NAA16: variants seen among roughly 807,000 people sequenced by gnomAD.
The protein encoded by NAA16 is N-alpha-acetyltransferase 16, NatA auxiliary subunit, also known as NARG1-like protein.
A neutral mutation model predicts 110.3 loss-of-function variants in NAA16; 97 were observed. That is an observed-to-expected ratio of 0.88 (90% CI 0.75 to 1.04). The LOEUF is 1.04. Ranked by LOEUF, NAA16 falls within the 50% of genes least tolerant of loss-of-function variation. The pLI is 0.00. For synonymous variants in NAA16, 372 were observed against 330.6 expected (o/e 1.13, Z -1.36); for missense variants, 1,017 against 1,005.1 (o/e 1.01, Z -0.16).
Position 41,323,135 on chromosome 13 carries a change from T to C in NAA16, c.482T>C (p.Leu161Pro), listed in dbSNP as rs745452300. Reference protein sequence around the residue: ...WIGYAIAYHLLKDYDMALKLL... With the variant: ...WIGYAIAYHLPKDYDMALKLL... ...GGATATGCTATTGCATACCATTTGC[T>C]GAAAGATTATGATATGGCCCTAAAA... Residue 161 changes from leucine to proline, a missense_variant, in exon 5 of 20, where the codon CTG becomes CCG. Coordinates refer to ENST00000379406, the MANE Select transcript of NAA16 (RefSeq NM_024561.5). The C allele has an allele frequency of 6.2e-7, 1 of 1,614,122 alleles. No individual in the cohort carries two copies. The highest frequency in any genetic ancestry group is 8.5e-7 in the Non-Finnish European group (1 of 1,179,966).
At chr13:41,335,302 A>G (rs985870988) in intron 8 of NAA16, among the ~76,000 whole-genome samples, 14 of 152,316 alleles carry the variant, frequency 9.2e-5, no homozygotes, top group African/African-American at 3.1e-4. Flanking sequence ...GAGCCATACA[A>G]ATGTACTCTT....
rs1572017 is a variant in NAA16 at position 41,312,144 on chromosome 13, A to G, written c.54+562A>G. ...CTGGCACCACCTCCCTTTGGGAAAA[A>G]GTTTGCCTGTTTGTAATGTACCTTA... On this transcript the variant is annotated intron_variant, in intron 1 of 19. Transcript: ENST00000379406. Among the ~76,000 whole-genome samples the G allele has an allele frequency of 2.4e-3, 362 of 152,274 alleles. 1 individual carries two copies. Among genetic ancestry groups the G allele is most frequent in the South Asian group, 0.012 (57 of 4,828 alleles).
At chr13:41,348,688 G>T (rs2139462950) in intron 9 of NAA16, among the ~76,000 whole-genome samples, 1 of 151,708 alleles carries the variant, frequency 6.6e-6, no homozygotes, top group South Asian at 2.1e-4. Flanking sequence ...CTCTTTTTTT[G>T]GGGGGGCGGG....
At chr13:41,347,600 A>G (rs964257633) in intron 9 of NAA16, among the ~76,000 whole-genome samples, 1 of 151,986 alleles carries the variant, frequency 6.6e-6, no homozygotes, top group Admixed American at 6.6e-5. Flanking sequence ...ATTCTTTTTG[A>G]TGGTAGTCTA....
chr13:41,343,981 C>A (rs1315048541), intron 9 of NAA16, among the ~76,000 whole-genome samples: 1 of 152,242 alleles, frequency 6.6e-6, no homozygotes, highest in African/African-American at 2.4e-5. Flanking sequence ...CCTGCCCCAG[C>A]AGTTTCATAA....
At chr13:41,326,374 A>G (rs530991585) in intron 6 of NAA16, among the ~76,000 whole-genome samples, 3 of 152,286 alleles carry the variant, frequency 2.0e-5, no homozygotes, top group African/African-American at 7.2e-5. Context: ...CCTGAGCAAT[A>G]ATGTATTAAA....
intron 9 of NAA16, among the ~76,000 whole-genome samples, chr13:41,340,853 T>C (rs551824470): frequency 1.2e-3 from 178 of 151,906 alleles, no homozygotes; most frequent in African/African-American, 3.9e-3. Flanking sequence ...ATTTTTTTTG[T>C]ATTTTTTAGT....
At chr13:41,322,948 C>T (rs774132156) in intron 4 of NAA16, 108 bp from the exon 5 acceptor site, 9 of 1,018,572 alleles carry the variant, frequency 8.8e-6, no homozygotes, top group African/African-American at 4.9e-5. Flanking sequence ...TGAAACTGAT[C>T]TTTGTTGATA....
Position 41,373,684 on chromosome 13 carries a change from C to G in NAA16, c.2203C>G (p.Gln735Glu), listed in dbSNP as rs2043369189. ...LPDIVSKVLS[Q>E]EMQKIFVKKD... ...AGACATTGTGAGCAAAGTTCTATCT[C>G]AAGAAATGCAGAAAATATTTGTCAA... The change falls in exon 18 of 20, where the codon CAA (glutamine) becomes GAA (glutamate). Residue 735 changes from glutamine to glutamate, a missense_variant. Coordinates refer to ENST00000379406, the MANE Select transcript of NAA16 (RefSeq NM_024561.5). 1.9e-6 allele frequency: 3 copies of G among 1,610,390 alleles called. No homozygotes were observed. Among genetic ancestry groups the G allele is most frequent in the Non-Finnish European group, 2.5e-6 (3 of 1,178,626 alleles).
At chr13:41,372,449 G>A (rs987604887) in intron 16 of NAA16, 138 bp downstream of exon 16, 27 of 1,341,764 alleles carry the variant, frequency 2.0e-5, no homozygotes, top group Middle Eastern at 2.8e-4. Flanking sequence ...TTGGCTACTC[G>A]AAACTTAGGT....
At chr13:41,340,772 G>T (rs1027458609) in intron 9 of NAA16, among the ~76,000 whole-genome samples, 2 of 143,574 alleles carry the variant, frequency 1.4e-5, no homozygotes, top group South Asian at 4.5e-4. Flanking sequence ...CGCCTCCCGG[G>T]TTCACGCCAT....
Position 41,331,318 on chromosome 13 carries a change from C to T in NAA16, c.856C>T (p.Gln286Ter). 1 of 1,609,974 alleles carries T rather than the reference C, an allele frequency of 6.2e-7. No homozygotes were observed. The highest frequency in any genetic ancestry group is 8.5e-7 in the Non-Finnish European group (1 of 1,177,518). The change falls in exon 8 of 20, where the codon CAG (glutamine) becomes TAG (stop). Residue 286 changes from glutamine to a stop codon, truncating the protein, a stop_gained. Transcript: ENST00000379406. LOFTEE classifies it high-confidence loss of function. Reference protein sequence around the residue: ...RLQIYEEISKQHPKAITPRRL... With the variant: ...RLQIYEEISK ...TCAAATTTATGAAGAAATTAGTAAG[C>T]AGCACCCCAAAGCAATTACACCCAG...
intron 17 of NAA16, 173 bp from the exon 18 acceptor site, chr13:41,373,464 G>A: frequency 1.1e-5 from 5 of 456,492 alleles, no homozygotes; most frequent in Non-Finnish European, 1.4e-5. Flanking sequence ...CACCATGTTG[G>A]CCAGGCTGGT....
chr13:41,355,149 T>G lies in NAA16; in HGVS notation c.1020T>G (p.Ser340=), dbSNP rs778309284. Residue 340 remains serine, a synonymous_variant, in exon 10 of 20, where the codon TCT becomes TCG. Coordinates refer to ENST00000379406, the MANE Select transcript of NAA16 (RefSeq NM_024561.5). ...AAAATATGTTTCTTTAACAGGTTTC[T>G]ATAATCCAGGAACTTGTTACTAATT... is the stretch of plus-strand genomic sequence containing the variant. ...KSLYYNTEKV[S]IIQELVTNYE... 6.4e-7 allele frequency: 1 copy of G among 1,570,000 alleles called. No homozygotes were observed. The highest frequency in any genetic ancestry group is 8.7e-7 in the Non-Finnish European group (1 of 1,154,390).
At chr13:41,354,895 T>G (rs1021920300) in intron 9 of NAA16, among the ~76,000 whole-genome samples, 2 of 148,684 alleles carry the variant, frequency 1.3e-5, no homozygotes, top group Non-Finnish European at 3.0e-5. Flanking sequence ...CATTTTTTTT[T>G]TTTTTTTTTT....
chr13:41,350,601 T>TTTG (rs1343409159), intron 9 of NAA16, among the ~76,000 whole-genome samples: 4 of 19,074 alleles, frequency 2.1e-4, no homozygotes, highest in African/African-American at 1.4e-3. Context: ...CTGCCAGTTT[T>TTTG]TTTTTGTTTT....
chr13:41,373,265 TG>T (rs1246903500), intron 17 of NAA16: 6 of 783,770 alleles, frequency 7.7e-6, no homozygotes, highest in African/African-American at 7.6e-5. Context: ...TTGTGTTTTT[TG>T]TTTTTTTTTT....
chr13:41,371,106 A>G (rs1156913623), intron 15 of NAA16, among the ~76,000 whole-genome samples: 1 of 152,228 alleles, frequency 6.6e-6, no homozygotes, highest in East Asian at 1.9e-4. Flanking sequence ...GGGAACCTGG[A>G]GAAATTCAAG....
Position 41,372,203 on chromosome 13 carries a change from G to A in NAA16, c.1948G>A (p.Val650Ile). ...EELIPEKLER[V>I]ENPLEEAVKF... ...AATTTTCCTTTCTGTTTCAAAATAG[G>A]TAGAAAATCCATTAGAGGAAGCCGT... Residue 650 changes from valine to isoleucine, a missense_variant and splice_region_variant, in exon 16 of 20, where the codon GTA becomes ATA. Transcript: ENST00000379406. 1 of 1,533,412 alleles carries A rather than the reference G, an allele frequency of 6.5e-7. No individual in the cohort carries two copies. Among genetic ancestry groups the A allele is most frequent in the Non-Finnish European group, 8.8e-7 (1 of 1,140,194 alleles). 95.0% of individuals were successfully genotyped at this position (1,533,412 alleles called of 1,614,324 possible).
Sources: allele counts gnomAD v4.1 joint callset (sites outside exome capture counted in the v4.1 genomes callset), GRCh38; gene constraint gnomAD v4.1.1; transcripts MANE v1.5; gene names NCBI Gene and HGNC (gene_info 2026-07-23, HGNC 2026-07-21).